The following RBFOX1 variants were observed in gnomAD, a reference collection of about 807,000 sequenced individuals.
RBFOX1 encodes the protein RNA binding fox-1 homolog 1.
RBFOX1 carries 8 observed loss-of-function variants against 57.7 expected under a neutral mutation model. That is an observed-to-expected ratio of 0.14 (90% CI 0.08 to 0.25). The LOEUF is 0.25. Among genes scored for constraint, RBFOX1 ranks in the 10% least tolerant of loss-of-function variants. The probability of loss-of-function intolerance (pLI) is 1.00; values close to 1 mark genes in which losing one functional copy is unlikely to be tolerated. For missense variants in RBFOX1, 611 were observed against 548.5 expected (o/e 1.11, Z -1.14); for synonymous variants, 326 against 222.4 (o/e 1.47, Z -4.15).
chr16:6,163,197 A>G (rs1178233184), intron 1 of RBFOX1, among the ~76,000 whole-genome samples: 3 of 152,202 alleles, frequency 2.0e-5, no homozygotes, highest in African/African-American at 7.2e-5. Context: ...TCTGGAAATG[A>G]TGAGACTGGG....
At chr16:7,098,111 G>C (rs1280182244) in intron 4 of RBFOX1, among the ~76,000 whole-genome samples, 1 of 152,150 alleles carries the variant, frequency 6.6e-6, no homozygotes, top group Non-Finnish European at 1.5e-5. Flanking sequence ...AGTGAGGAAA[G>C]GAACACAATT....
At chr16:6,647,280 G>A (rs1002401059) in intron 2 of RBFOX1, among the ~76,000 whole-genome samples, 1 of 152,102 alleles carries the variant, frequency 6.6e-6, no homozygotes, top group Non-Finnish European at 1.5e-5. Flanking sequence ...ATCTTGGTCT[G>A]TTGCCCAGGC....
chr16:6,678,867 C>G (rs72762998), intron 3 of RBFOX1, among the ~76,000 whole-genome samples: 17,095 of 152,018 alleles, frequency 0.11, 1,355 homozygotes, highest in East Asian at 0.27. Flanking sequence ...GGTGGTTTAT[C>G]GCATTGTTTC....
chr16:6,899,741 G>C (rs1442978547), intron 3 of RBFOX1, among the ~76,000 whole-genome samples: 2 of 152,194 alleles, frequency 1.3e-5, no homozygotes, highest in African/African-American at 4.8e-5. Flanking sequence ...ATCTTGTGCT[G>C]TCCCTCAACA....
chr16:6,508,347 G>A (rs2096164459), intron 2 of RBFOX1, among the ~76,000 whole-genome samples: 1 of 152,032 alleles, frequency 6.6e-6, no homozygotes. Context: ...ACCTGCACTT[G>A]TCCCCGAACA....
chr16:7,535,251 C>T (rs566257881), intron 5 of RBFOX1, among the ~76,000 whole-genome samples: 78 of 152,258 alleles, frequency 5.1e-4, no homozygotes, highest in African/African-American at 1.7e-3. Context: ...CATCATTTCC[C>T]TGGGCCAGCT....
rs2081872780 is a variant in RBFOX1 at position 7,704,669 on chromosome 16, AATG to A, written c.996-4384_996-4382del. ...TCTCGTTCCAGGAGGGTGAAAGGTA[AATG>A]ATCAGGTGGAGTGGGAAATAAGATT... is the stretch of plus-strand genomic sequence containing the variant. On this transcript the variant is annotated intron_variant, in intron 14 of 15. Transcript: ENST00000550418. Among the ~76,000 whole-genome samples the A allele has an allele frequency of 9.2e-5, 14 of 152,278 alleles. No individual in the cohort carries two copies. In the South Asian group the frequency reaches 2.9e-3, roughly 32 times the overall value.
chr16:6,464,351 C>G (rs540476632), intron 2 of RBFOX1, among the ~76,000 whole-genome samples: 59 of 152,170 alleles, frequency 3.9e-4, no homozygotes, highest in African/African-American at 1.4e-3. Flanking sequence ...ATCAGCAATG[C>G]TTTTTTAATG....
intron 2 of RBFOX1, among the ~76,000 whole-genome samples, chr16:5,509,618 C>G (rs1045367977): frequency 3.9e-5 from 6 of 152,158 alleles, no homozygotes; most frequent in African/African-American, 1.4e-4. Flanking sequence ...TGCAAATTCT[C>G]CTCATTTTCC....
chr16:5,654,596 C>T (rs1567352614), intron 3 of RBFOX1, among the ~76,000 whole-genome samples: 1 of 152,090 alleles, frequency 6.6e-6, no homozygotes, highest in Non-Finnish European at 1.5e-5. Flanking sequence ...ACACCCTGTT[C>T]GTTTCTCATC....
At chr16:6,660,434 G>A (rs2098693946) in intron 3 of RBFOX1, among the ~76,000 whole-genome samples, 1 of 152,028 alleles carries the variant, frequency 6.6e-6, no homozygotes, top group Non-Finnish European at 1.5e-5. Flanking sequence ...ATAGGTAATG[G>A]TTAGTAGCTC....
chr16:5,399,504 G>T (rs960477723), intron 1 of RBFOX1, among the ~76,000 whole-genome samples: 19 of 152,096 alleles, frequency 1.2e-4, no homozygotes, highest in African/African-American at 2.9e-4. Context: ...TGGTGAATGG[G>T]TTCCTTATTT....
At chr16:6,730,937 G>T (rs946289734) in intron 3 of RBFOX1, among the ~76,000 whole-genome samples, 1 of 152,166 alleles carries the variant, frequency 6.6e-6, no homozygotes, top group Non-Finnish European at 1.5e-5. Flanking sequence ...AGGTTCCCCA[G>T]CTAGCTCCAC....
chr16:6,229,808 A>G (rs1489830062), intron 1 of RBFOX1, among the ~76,000 whole-genome samples: 3 of 152,042 alleles, frequency 2.0e-5, no homozygotes, highest in South Asian at 2.1e-4. Flanking sequence ...TATAGAATAC[A>G]TATATCTTAG....
At chr16:6,823,649 C>T (rs2091693791) in intron 3 of RBFOX1, among the ~76,000 whole-genome samples, 1 of 152,154 alleles carries the variant, frequency 6.6e-6, no homozygotes, top group Middle Eastern at 3.2e-3. Flanking sequence ...TCTCCCTATT[C>T]TTGATTTCTT....
At chr16:7,117,828 G>A (rs1171230734) in intron 4 of RBFOX1, among the ~76,000 whole-genome samples, 1 of 152,168 alleles carries the variant, frequency 6.6e-6, no homozygotes. Context: ...AACAGGATCT[G>A]CTTTCAAGCT....
At chr16:7,458,782 C>G (rs726476) in intron 4 of RBFOX1, among the ~76,000 whole-genome samples, 80,213 of 151,980 alleles carry the variant, frequency 0.53, 21,498 homozygotes, top group East Asian at 0.76. Flanking sequence ...ATCAGACCCC[C>G]TCTTCACTCC....
At chr16:7,348,662 C>T (rs1483558261) in intron 4 of RBFOX1, among the ~76,000 whole-genome samples, 1 of 152,204 alleles carries the variant, frequency 6.6e-6, no homozygotes, top group Admixed American at 6.5e-5. Flanking sequence ...ACACAAAAGG[C>T]CGGTTGCCGT....
At chr16:6,356,861 G>C (rs9923661) in intron 2 of RBFOX1, among the ~76,000 whole-genome samples, 7,347 of 152,118 alleles carry the variant, frequency 0.048, 559 homozygotes, top group African/African-American at 0.16. Context: ...TGGATATGTG[G>C]GAACTCTCTG....
Sources: allele counts gnomAD v4.1 joint callset (sites outside exome capture counted in the v4.1 genomes callset), GRCh38; gene constraint gnomAD v4.1.1; transcripts MANE v1.5; gene names NCBI Gene and HGNC (gene_info 2026-07-23, HGNC 2026-07-21).